Variants in IQGAP3 observed in about 807,000 individuals in gnomAD.
IQGAP3 encodes ras GTPase-activating-like protein IQGAP3.
A neutral mutation model predicts 208.2 loss-of-function variants in IQGAP3; 165 were observed. The ratio of observed to expected loss-of-function variants is 0.79; its 90% CI spans 0.70 to 0.90. The LOEUF is 0.90. IQGAP3 is among the 40% of genes least tolerant of loss of function. IQGAP3 has a pLI of 0.00. For synonymous variants in IQGAP3, 703 were observed against 803.6 expected, an observed-to-expected ratio of 0.87 and a Z score of 2.12; for missense variants, 1,811 against 2,043.1, an observed-to-expected ratio of 0.89 and a Z score of 2.19.
intron 11 of IQGAP3, 39 bp downstream of exon 11, chr1:156,560,895 A>ATACGCACAGAGC (rs1454416439): frequency 1.5e-6 from 2 of 1,359,980 alleles, no homozygotes; most frequent in African/African-American, 2.9e-5. Flanking sequence ...AGAGTCAGAG[A>ATACGCACAGAGC]TACGCACAGA....
intron 13 of IQGAP3, among the ~76,000 whole-genome samples, chr1:156,553,218 C>T (rs1315193460): frequency 2.6e-5 from 4 of 152,178 alleles, no homozygotes; most frequent in Admixed American, 6.5e-5. Flanking sequence ...AACTCCCTCC[C>T]GGCTCAAAAC....
chr1:156,541,189 C>A (rs1460976599), intron 22 of IQGAP3, among the ~76,000 whole-genome samples: 1 of 151,976 alleles, frequency 6.6e-6, no homozygotes, highest in Non-Finnish European at 1.5e-5. Flanking sequence ...GGGTCTATCC[C>A]AGGGACCTCT....
intron 22 of IQGAP3, among the ~76,000 whole-genome samples, chr1:156,542,596 G>C (rs1675038426): frequency 6.6e-6 from 1 of 152,196 alleles, no homozygotes; most frequent in South Asian, 2.1e-4. Flanking sequence ...AACCCTACAA[G>C]ATAGGTATTA....
Position 156,540,752 on chromosome 1 carries a change from C to T in IQGAP3, c.2695G>A (p.Asp899Asn), listed in dbSNP as rs1299781524. The change falls in exon 23 of 38, where the codon GAC (aspartate) becomes AAC (asparagine). Residue 899 changes from aspartate to asparagine, a missense_variant. Coordinates refer to ENST00000361170, the MANE Select transcript of IQGAP3 (RefSeq NM_178229.5). ...TTCACCAGCAGGCCAATCTTGATGT[C>T]CATGATGTTGAGGTCCTGCTCCAGC... is the stretch of plus-strand genomic sequence containing the variant. ...QQLEQDLNIM[D>N]IKIGLLVKNR... is the part of the protein sequence containing the mutation. 3 of 1,614,036 alleles carry T rather than the reference C, an allele frequency of 1.9e-6. No individual in the cohort carries two copies. The highest frequency in any genetic ancestry group is 2.5e-6 in the Non-Finnish European group (3 of 1,180,042).
In IQGAP3 at chr1:156,534,736, G is replaced by T; in HGVS notation, c.3508-3C>A. 1 of 1,525,154 alleles carries T rather than the reference G, an allele frequency of 6.6e-7. No individual in the cohort carries two copies. Among genetic ancestry groups the T allele is most frequent in the Non-Finnish European group, 8.8e-7 (1 of 1,136,840 alleles). The allele number at this position is 1,525,154 out of a possible 1,614,324, so 94.5% of individuals were successfully genotyped here. A position where few individuals can be genotyped will look rare whatever the true frequency, so the allele number is the denominator to read the frequency against. On this transcript the variant is annotated splice_polypyrimidine_tract_variant and splice_region_variant and intron_variant, in intron 28 of 37. Coordinates refer to ENST00000361170, the MANE Select transcript of IQGAP3 (RefSeq NM_178229.5). ...TAGTACAGGAGGTTCCCGACCACCT[G>T]AGGGCAAAGGAGACTCTCCCAGAAG...
rs1676165284 is a variant in IQGAP3, at chr1:156,561,889, A to T, written c.990T>A (p.Phe330Leu). 1 of 1,613,958 alleles carries T rather than the reference A, an allele frequency of 6.2e-7. No homozygotes were observed. The highest frequency in any genetic ancestry group is 8.5e-7 in the Non-Finnish European group (1 of 1,180,012). The change falls in exon 10 of 38, where the codon TTT becomes TTA. Residue 330 changes from phenylalanine (F) to leucine (L), a missense_variant. Coordinates refer to ENST00000361170, the MANE Select transcript of IQGAP3 (RefSeq NM_178229.5). ...ALALRGVRRD[F>L]ADWYLEQLNS... ...TCAGCTGCTCCAGGTACCAGTCAGC[A>T]AAGTCTCTCCTCACCCCTCGCAGGG...
chr1:156,526,257 G>A lies in IQGAP3; in HGVS notation c.*229C>T. On this transcript the variant is annotated 3_prime_UTR_variant, in exon 38 of 38. Coordinates refer to ENST00000361170, the MANE Select transcript of IQGAP3 (RefSeq NM_178229.5). ...GGAAAGCCAGGGGTTTGTCATGCATGATAAAAGCCACACAGCTGGACTCTG... is the reference window on the plus strand; with the variant it reads ...GGAAAGCCAGGGGTTTGTCATGCATAATAAAAGCCACACAGCTGGACTCTG... 1 of 538,768 alleles carries A rather than the reference G, an allele frequency of 1.9e-6. No homozygotes were observed. Among genetic ancestry groups the A allele is most frequent in the Admixed American group, 3.1e-5 (1 of 32,346 alleles). The allele number at this position is 538,768 out of a possible 1,614,324, so 33.4% of individuals were successfully genotyped here. A position where few individuals can be genotyped will look rare whatever the true frequency, so the allele number is the denominator to read the frequency against.
chr1:156,564,924 T>G (rs1676333666), intron 4 of IQGAP3, among the ~76,000 whole-genome samples: 1 of 152,128 alleles, frequency 6.6e-6, no homozygotes, highest in Non-Finnish European at 1.5e-5. Flanking sequence ...AGTCCTAGGG[T>G]GCCCTGGATT....
chr1:156,527,516 A>C (rs915761590), intron 37 of IQGAP3, among the ~76,000 whole-genome samples: 1 of 152,062 alleles, frequency 6.6e-6, no homozygotes, highest in African/African-American at 2.4e-5. Context: ...AAGCAACAAC[A>C]ACAACCACAA....
rs1179337068 is a variant in IQGAP3 at position 156,548,743 on chromosome 1, G to A, written c.1831C>T (p.Leu611Phe). ...GCTTGATTGATGGCAGCCACACCAAGAGCCACTGACAGGGGCATCAGGAGA... is the reference window on the plus strand; with the variant it reads ...GCTTGATTGATGGCAGCCACACCAAAAGCCACTGACAGGGGCATCAGGAGA... The part of the protein sequence containing the change: ...QDTNTAQRMA[L>F]GVAAINQAIK... Residue 611 changes from leucine (L) to phenylalanine (F), a missense_variant, in exon 17 of 38, where the codon CTT becomes TTT. Physicochemically the swap from Leu to Phe is conservative, Grantham distance 22 (BLOSUM62 0). Coordinates refer to ENST00000361170, the MANE Select transcript of IQGAP3 (RefSeq NM_178229.5). 1 of 1,570,436 alleles carries A rather than the reference G, an allele frequency of 6.4e-7. No individual in the cohort carries two copies. The highest frequency in any genetic ancestry group is 1.4e-5 in the African/African-American group (1 of 74,006).
intron 2 of IQGAP3, among the ~76,000 whole-genome samples, chr1:156,567,931 C>A (rs1279780703): frequency 6.6e-6 from 1 of 152,046 alleles, no homozygotes; most frequent in Non-Finnish European, 1.5e-5. Context: ...CTGATGTAGA[C>A]CAACAATGAA....
At chr1:156,551,378 G>A (rs1000799758) in intron 15 of IQGAP3, among the ~76,000 whole-genome samples, 5 of 152,186 alleles carry the variant, frequency 3.3e-5, no homozygotes, top group Non-Finnish European at 7.3e-5. Context: ...TCTGGGAGCT[G>A]GGTAGGACCA....
intron 15 of IQGAP3, among the ~76,000 whole-genome samples, chr1:156,551,109 A>T (rs2102408008): frequency 6.6e-6 from 1 of 152,382 alleles, no homozygotes; most frequent in African/African-American, 2.4e-5. Context: ...AATAAATGTT[A>T]GCCAGTACTA....
chr1:156,525,707 A>AAAT lies in IQGAP3; in HGVS notation c.*776_*778dup, dbSNP rs757539919. 2.8e-5 allele frequency: 4 copies of AAAT among 143,684 alleles called. No homozygotes were observed. The highest frequency in any genetic ancestry group is 6.1e-5 in the Non-Finnish European group (4 of 65,704). The allele number at this position is 143,684 out of a possible 1,614,324, so 8.9% of individuals were successfully genotyped here. ...GCATGGGTATTAGTTTGAATAGGGAAAATGAGAACTCTCTTTGAGCTCAAA... is the reference window on the plus strand; with the variant it reads ...GCATGGGTATTAGTTTGAATAGGGAAAATAATGAGAACTCTCTTTGAGCTCAAA... On this transcript the variant is annotated 3_prime_UTR_variant, in exon 38 of 38. Transcript: ENST00000361170.
At chr1:156,564,529 C>G (rs1170648450) in intron 5 of IQGAP3, 86 bp downstream of exon 5, 1 of 894,762 alleles carries the variant, frequency 1.1e-6, no homozygotes, top group Admixed American at 1.7e-5. Context: ...TACCCTTCAT[C>G]CTTCTTTCTT....
chr1:156,554,400 G>T lies in IQGAP3; in HGVS notation c.1291-8C>A. ...CTCCTCCTGGCCAAGCTCCTACAAT[G>T]GGTGGGAGGGCCAATTCCCAAGTGG... On this transcript the variant is annotated splice_polypyrimidine_tract_variant and splice_region_variant and intron_variant, in intron 12 of 37. Transcript: ENST00000361170. 1 of 1,590,598 alleles carries T rather than the reference G, an allele frequency of 6.3e-7. No homozygotes were observed. Among genetic ancestry groups the T allele is most frequent in the South Asian group, 1.1e-5 (1 of 88,042 alleles).
At chr1:156,562,124 G>T in intron 9 of IQGAP3, 123 bp from the exon 10 acceptor site, 2 of 921,922 alleles carry the variant, frequency 2.2e-6, no homozygotes, top group Non-Finnish European at 3.2e-6. Flanking sequence ...TTTCCCCCTT[G>T]GTTCCTGGGC....
Position 156,537,276 on chromosome 1 carries a change from G to T in IQGAP3, c.3327C>A (p.Pro1109=), listed in dbSNP as rs201571446. Residue 1109 remains proline, a synonymous_variant, in exon 27 of 38, where the codon CCC becomes CCA. Transcript: ENST00000361170. ...CGATGTCCAGTCGTCTCTGGACCTC[G>T]GGGTGGCTCAAGGCCTGCTCCGGGG... ...DVTPEQALSH[P]EVQRRLDIAL... 2.5e-6 allele frequency: 4 copies of T among 1,613,804 alleles called. No individual in the cohort carries two copies. Among genetic ancestry groups the T allele is most frequent in the Non-Finnish European group, 3.4e-6 (4 of 1,179,924 alleles).
At chr1:156,557,608 A>G (rs1248001129) in intron 11 of IQGAP3, among the ~76,000 whole-genome samples, 52 of 37,192 alleles carry the variant, frequency 1.4e-3, no homozygotes, top group Non-Finnish European at 1.8e-3. Context: ...TCCGGGAGGG[A>G]GGTGGGGGGG....
Sources: gnomAD v4.1 joint callset for allele counts (sites outside exome capture counted in the v4.1 genomes callset) on GRCh38, gnomAD v4.1.1 for gene constraint, MANE v1.5 for transcripts, NCBI Gene and HGNC (gene_info 2026-07-23, HGNC 2026-07-21) for gene names.